DLG2: variants seen among roughly 807,000 people sequenced by gnomAD.
DLG2 encodes the protein disks large homolog 2.
Under a neutral mutation model 132.5 loss-of-function variants are expected in DLG2, and 45 were observed. That is an observed-to-expected ratio of 0.34 (90% confidence interval 0.27 to 0.44). The LOEUF (loss-of-function observed/expected upper bound fraction) is 0.44. Ranked by LOEUF, DLG2 falls within the 20% of genes least tolerant of loss-of-function variation. The pLI is 1.00. For missense variants in DLG2, 1,045 were observed against 1,196.9 expected (o/e 0.87, Z 1.87); for synonymous variants, 424 against 419.6 (o/e 1.01, Z -0.13).
At chr11:84,021,565 C>T (rs2095395145) in intron 11 of DLG2, among the ~76,000 whole-genome samples, 1 of 152,076 alleles carries the variant, frequency 6.6e-6, no homozygotes, top group Admixed American at 6.6e-5. Context: ...TCAGCAGCAA[C>T]TGCTTAGGAA....
chr11:84,327,087 C>G (rs1392364358), intron 7 of DLG2, among the ~76,000 whole-genome samples: 1 of 140,632 alleles, frequency 7.1e-6, no homozygotes, highest in Non-Finnish European at 1.5e-5. Flanking sequence ...TAATGTAAGT[C>G]TTATAGACAA....
chr11:84,698,626 T>A (rs1189741781), intron 6 of DLG2, among the ~76,000 whole-genome samples: 2 of 151,596 alleles, frequency 1.3e-5, no homozygotes, highest in East Asian at 3.9e-4. Context: ...ATTGTTCTTT[T>A]ATAGCATATA....
chr11:85,113,620 T>C (rs1221978670), intron 5 of DLG2, among the ~76,000 whole-genome samples: 1 of 152,008 alleles, frequency 6.6e-6, no homozygotes, highest in Non-Finnish European at 1.5e-5. Context: ...CAAAAAACAT[T>C]GAAACAGAAG....
At chr11:83,950,153 A>G (rs1023751406) in intron 14 of DLG2, among the ~76,000 whole-genome samples, 1 of 152,248 alleles carries the variant, frequency 6.6e-6, no homozygotes, top group African/African-American at 2.4e-5. Flanking sequence ...AAATTAACCA[A>G]TGTATATCAA....
At chr11:85,217,347 G>C (rs1351789774) in intron 4 of DLG2, among the ~76,000 whole-genome samples, 8 of 54,716 alleles carry the variant, frequency 1.5e-4, no homozygotes, top group South Asian at 1.2e-3. Context: ...CACACACACA[G>C]AGTTTCAATC....
intron 4 of DLG2, among the ~76,000 whole-genome samples, chr11:85,210,315 C>T (rs150097698): frequency 7.4e-4 from 113 of 152,210 alleles, no homozygotes; most frequent in Non-Finnish European, 1.4e-3. Flanking sequence ...GTGCTCCAGA[C>T]ACACTTGTCT....
intron 3 of DLG2, among the ~76,000 whole-genome samples, chr11:85,391,809 T>C (rs1272554058): frequency 6.6e-6 from 1 of 152,118 alleles, no homozygotes; most frequent in African/African-American, 2.4e-5. Flanking sequence ...AAGCCATCTA[T>C]GACAAACCCA....
chr11:84,388,179 T>C (rs2098778648), intron 7 of DLG2, among the ~76,000 whole-genome samples: 1 of 152,060 alleles, frequency 6.6e-6, no homozygotes, highest in Non-Finnish European at 1.5e-5. Context: ...ATTCCAATAA[T>C]AACAGCAGAG....
At chr11:84,394,849 T>C (rs1198164393) in intron 7 of DLG2, among the ~76,000 whole-genome samples, 2 of 152,152 alleles carry the variant, frequency 1.3e-5, no homozygotes, top group Admixed American at 6.5e-5. Flanking sequence ...CTCAAACTCC[T>C]GACCTCGTGA....
intron 4 of DLG2, among the ~76,000 whole-genome samples, chr11:85,170,313 C>T (rs1191698669): frequency 6.6e-6 from 1 of 152,072 alleles, no homozygotes; most frequent in Non-Finnish European, 1.5e-5. Context: ...TTCTTTCCCC[C>T]CACATATACA....
At chr11:84,523,920 T>C (rs1167715719) in intron 7 of DLG2, among the ~76,000 whole-genome samples, 1 of 152,202 alleles carries the variant, frequency 6.6e-6, no homozygotes, top group Non-Finnish European at 1.5e-5. Context: ...ATTATTGTTA[T>C]TAATACTATG....
chr11:84,167,165 G>A (rs553927763), intron 8 of DLG2, among the ~76,000 whole-genome samples: 6 of 152,278 alleles, frequency 3.9e-5, no homozygotes, highest in African/African-American at 1.4e-4. Flanking sequence ...GCATGTTTAA[G>A]ATACTTGATT....
chr11:83,523,293 G>A (rs1208296589), intron 21 of DLG2, among the ~76,000 whole-genome samples: 1 of 152,126 alleles, frequency 6.6e-6, no homozygotes, highest in African/African-American at 2.4e-5. Context: ...TTTAACAAAA[G>A]CTCAGTGTTA....
intron 6 of DLG2, among the ~76,000 whole-genome samples, chr11:84,827,676 CAA>C (rs398016953): frequency 1.3e-3 from 47 of 35,102 alleles, no homozygotes; most frequent in African/African-American, 3.5e-3. Context: ...TACATACAGT[CAA>C]AAAAAAAAAA....
chr11:84,612,809 T>A (rs1415225744), intron 6 of DLG2, among the ~76,000 whole-genome samples: 1 of 152,198 alleles, frequency 6.6e-6, no homozygotes, highest in Non-Finnish European at 1.5e-5. Flanking sequence ...TGGTTCAATT[T>A]TCACAGATGA....
At chr11:83,505,488 A>T (rs1472490552) in intron 21 of DLG2, among the ~76,000 whole-genome samples, 1 of 152,180 alleles carries the variant, frequency 6.6e-6, no homozygotes, top group East Asian at 1.9e-4. Context: ...GATTATTAAA[A>T]TCCTCCTCTG....
chr11:85,232,648 T>A (rs2075362079), intron 4 of DLG2, among the ~76,000 whole-genome samples: 3 of 151,962 alleles, frequency 2.0e-5, no homozygotes, highest in Non-Finnish European at 4.4e-5. Context: ...AGTAGCAATT[T>A]ACTTTTCCTA....
intron 4 of DLG2, among the ~76,000 whole-genome samples, chr11:85,234,165 T>C (rs966990542): frequency 4.6e-5 from 7 of 151,926 alleles, no homozygotes; most frequent in Admixed American, 1.3e-4. Flanking sequence ...TAGTAAAATA[T>C]GTTCTATGAT....
Position 84,844,065 on chromosome 11 carries a change from T to TTGTGTG in DLG2, c.357+267590_357+267595dup, listed in dbSNP as rs769383482. 1.9e-3 allele frequency among the ~76,000 whole-genome samples: 224 copies of TTGTGTG among 115,176 alleles called. 5 individuals carry two copies. The highest frequency in any genetic ancestry group is 2.9e-3 in the Non-Finnish European group (158 of 55,048). 75.6% of individuals were successfully genotyped at this position (115,176 alleles called of 152,430 possible). ...TCTGTGTGTACATATATATATATGT[T>TTGTGTG]TGTGTGTGTGTGTGTGTGTGTATAT... On this transcript the variant is annotated intron_variant, in intron 6 of 27. Transcript: ENST00000376104.
Sources: allele counts gnomAD v4.1 joint callset (sites outside exome capture counted in the v4.1 genomes callset), GRCh38; gene constraint gnomAD v4.1.1; transcripts MANE v1.5; gene names NCBI Gene and HGNC (gene_info 2026-07-23, HGNC 2026-07-21).